VSTM2B: variants seen among roughly 807,000 people sequenced by gnomAD.
VSTM2B encodes the protein V-set and transmembrane domain-containing protein 2B.
A neutral mutation model predicts 24.0 loss-of-function variants in VSTM2B; 24 were observed. The ratio of observed to expected loss-of-function variants is 1.00; its 90% CI spans 0.72 to 1.40. The LOEUF is 1.40. VSTM2B is among the 40% of genes most tolerant of loss of function. The probability of loss-of-function intolerance (pLI) is 0.00; values close to 1 mark genes in which losing one functional copy is unlikely to be tolerated. For missense variants in VSTM2B, 399 were observed against 416.4 expected (o/e 0.96, Z 0.36); for synonymous variants, 226 against 194.4 (o/e 1.16, Z -1.35).
In VSTM2B at chr19:29,545,425, C is replaced by G. The variant is rs188999509; in HGVS notation, c.769+15135C>G. ...GTCAGGAGTTTGAGACCAGCCTGGCCAACATGGTGAAACCCCATCTCTACT... is the reference window on the plus strand; with the variant it reads ...GTCAGGAGTTTGAGACCAGCCTGGCGAACATGGTGAAACCCCATCTCTACT... On this transcript the variant is annotated intron_variant, in intron 4 of 4. Transcript: ENST00000335523. 2.1e-3 allele frequency among the ~76,000 whole-genome samples: 313 copies of G among 152,128 alleles called. 5 individuals carry two copies. Among genetic ancestry groups the G allele is most frequent in the Admixed American group, 0.017 (254 of 15,280 alleles).
intron 4 of VSTM2B, among the ~76,000 whole-genome samples, chr19:29,531,602 A>G (rs933826376): frequency 6.6e-6 from 1 of 152,182 alleles, no homozygotes; most frequent in African/African-American, 2.4e-5. Context: ...CAGCCGCCTC[A>G]GTGCGTCTCA....
chr19:29,533,563 C>T (rs902182601), intron 4 of VSTM2B, among the ~76,000 whole-genome samples: 1 of 152,238 alleles, frequency 6.6e-6, no homozygotes, highest in Non-Finnish European at 1.5e-5. Context: ...GGTTCTGCTC[C>T]AGGCACTCTA....
intron 4 of VSTM2B, among the ~76,000 whole-genome samples, chr19:29,532,127 A>C (rs1229915187): frequency 6.6e-6 from 1 of 152,238 alleles, no homozygotes; most frequent in Non-Finnish European, 1.5e-5. Flanking sequence ...AGACTGAGAA[A>C]ACAGCCACTC....
intron 4 of VSTM2B, among the ~76,000 whole-genome samples, chr19:29,549,929 G>A (rs554770706): frequency 9.8e-5 from 15 of 152,376 alleles, no homozygotes; most frequent in Admixed American, 9.1e-4. Context: ...AGCTGCCCCA[G>A]GCAGACAGCC....
chr19:29,551,463 G>T (rs527754183), intron 4 of VSTM2B, among the ~76,000 whole-genome samples: 6 of 152,142 alleles, frequency 3.9e-5, no homozygotes, highest in Admixed American at 3.3e-4. Context: ...ATGGTGGGGT[G>T]GGGGGCAGGG....
chr19:29,563,826 T>C lies in VSTM2B; in HGVS notation c.770-20T>C. The C allele has an allele frequency of 6.4e-7, 1 of 1,551,070 alleles. No individual in the cohort carries two copies. Among genetic ancestry groups the C allele is most frequent in the Non-Finnish European group, 8.7e-7 (1 of 1,146,066 alleles). On this transcript the variant is annotated intron_variant, in intron 4 of 4. Transcript: ENST00000335523. ...TTGAGACTCAGGTGTTAACCTTGCC[T>C]GTTTTCTCATCCCCTGCAGGCACCG...
chr19:29,562,409 C>A (rs1195248857), intron 4 of VSTM2B, among the ~76,000 whole-genome samples: 2 of 152,178 alleles, frequency 1.3e-5, no homozygotes. Flanking sequence ...AGGGAACCAG[C>A]CATCCTGGCT....
intron 4 of VSTM2B, among the ~76,000 whole-genome samples, chr19:29,547,580 G>C: frequency 6.6e-6 from 1 of 152,192 alleles, no homozygotes; most frequent in East Asian, 1.9e-4. Context: ...GGGGGCTGAG[G>C]AGAGAGGGAG....
intron 4 of VSTM2B, among the ~76,000 whole-genome samples, chr19:29,538,302 G>T (rs1969940022): frequency 2.0e-5 from 3 of 152,222 alleles, no homozygotes; most frequent in African/African-American, 7.2e-5. Context: ...CTATGCCAGA[G>T]AGTGGTTGGC....
chr19:29,529,548 T>G (rs971356208), intron 3 of VSTM2B, among the ~76,000 whole-genome samples: 1 of 152,114 alleles, frequency 6.6e-6, no homozygotes, highest in Non-Finnish European at 1.5e-5. Context: ...TTGGTTTGTA[T>G]GGGCGGGGCA....
intron 4 of VSTM2B, among the ~76,000 whole-genome samples, chr19:29,559,532 C>A (rs997659989): frequency 8.5e-5 from 13 of 152,120 alleles, no homozygotes; most frequent in Admixed American, 2.6e-4. Context: ...ATGGGTGTAG[C>A]AAACTACCAT....
In VSTM2B at chr19:29,539,953, C is replaced by G. The variant is rs1211317221; in HGVS notation, c.769+9663C>G. The stretch of plus-strand genomic sequence containing the variant: ...ACCTGTAATCGTATAGCTCTAGAGA[C>G]AGAGAGCCTTCCCTCTGCTGACCCT... On this transcript the variant is annotated intron_variant, in intron 4 of 4. Coordinates refer to ENST00000335523, the MANE Select transcript of VSTM2B (RefSeq NM_001146339.2). 4.6e-5 allele frequency among the ~76,000 whole-genome samples: 7 copies of G among 152,276 alleles called. No homozygotes were observed. In the East Asian group the frequency reaches 1.3e-3, roughly 29 times the overall value.
chr19:29,559,609 T>C (rs907355422), intron 4 of VSTM2B, among the ~76,000 whole-genome samples: 2 of 152,312 alleles, frequency 1.3e-5, no homozygotes, highest in Non-Finnish European at 2.9e-5. Flanking sequence ...TTAAGTATAA[T>C]AATATTTTAA....
In VSTM2B at chr19:29,530,103, G is replaced by T; in HGVS notation, c.582G>T (p.Glu194Asp). ...NAGAASRTTS[E>D]PGRGDKSPPP... ...GCGCCGCGAGCCGTACCACCTCCGAGCCCGGCCGCGGCGACAAGAGCCCGC... is the reference window on the plus strand; with the variant it reads ...GCGCCGCGAGCCGTACCACCTCCGATCCCGGCCGCGGCGACAAGAGCCCGC... Residue 194 changes from glutamate (E) to aspartate (D), a missense_variant, in exon 4 of 5, where the codon GAG becomes GAT. By Grantham distance (45) the Glu-to-Asp change is conservative. Coordinates refer to ENST00000335523, the MANE Select transcript of VSTM2B (RefSeq NM_001146339.2). 3.4e-6 allele frequency: 5 copies of T among 1,451,692 alleles called. No individual in the cohort carries two copies. The highest frequency in any genetic ancestry group is 4.5e-6 in the Non-Finnish European group (5 of 1,111,376). 89.9% of individuals were successfully genotyped at this position (1,451,692 alleles called of 1,614,324 possible).
intron 4 of VSTM2B, among the ~76,000 whole-genome samples, chr19:29,533,085 T>C (rs1342989573): frequency 1.3e-5 from 2 of 152,150 alleles, no homozygotes; most frequent in Middle Eastern, 3.2e-3. Context: ...GTGAAGATGC[T>C]CCAGGACATC....
chr19:29,546,994 C>G (rs887125165), intron 4 of VSTM2B, among the ~76,000 whole-genome samples: 2 of 152,082 alleles, frequency 1.3e-5, no homozygotes, highest in Non-Finnish European at 2.9e-5. Context: ...TCTTTGGGCC[C>G]GAGAGGTGGT....
At chr19:29,533,937 A>G (rs1250542071) in intron 4 of VSTM2B, among the ~76,000 whole-genome samples, 2 of 152,162 alleles carry the variant, frequency 1.3e-5, no homozygotes, top group Non-Finnish European at 2.9e-5. Flanking sequence ...CCAGCCACTC[A>G]ATTCTAGGCA....
intron 3 of VSTM2B, 110 bp downstream of exon 3, chr19:29,528,572 G>A: frequency 7.4e-7 from 1 of 1,347,090 alleles, no homozygotes; most frequent in Non-Finnish European, 1.0e-6. Context: ...GGCCGCGCAA[G>A]TAGGGCAGCG....
rs551540225 is a variant in VSTM2B at position 29,548,676 on chromosome 19, C to T, written c.770-15170C>T. Among the ~76,000 whole-genome samples, 8 of 152,258 alleles carry T rather than the reference C, an allele frequency of 5.3e-5. No individual in the cohort carries two copies. The South Asian group carries it at 1.0e-3, about 20-fold the overall frequency. On this transcript the variant is annotated intron_variant, in intron 4 of 4. Coordinates refer to ENST00000335523, the MANE Select transcript of VSTM2B (RefSeq NM_001146339.2). ...GTTCTCAGCAGGGCCTGGGAGATCC[C>T]GCCAGATGCTCCCAGGGTGGGGCAG...
Sources: gnomAD v4.1 joint callset for allele counts (sites outside exome capture counted in the v4.1 genomes callset) on GRCh38, gnomAD v4.1.1 for gene constraint, MANE v1.5 for transcripts, NCBI Gene and HGNC (gene_info 2026-07-23, HGNC 2026-07-21) for gene names.